Variants in ICE1 observed in about 807,000 individuals in gnomAD.
ICE1 encodes interactor of little elongation complex ELL subunit 1.
In ICE1, 64 loss-of-function variants were observed where a neutral mutation model predicts 192.7. That is an observed-to-expected ratio of 0.33 (90% CI 0.27 to 0.41). ICE1 has a LOEUF of 0.41. Ranked by LOEUF, ICE1 falls within the 10% of genes least tolerant of loss-of-function variation. The pLI is 1.00. For missense variants in ICE1, 2,708 were observed against 2,696.0 expected, an observed-to-expected ratio of 1.00 and a Z score of -0.10; for synonymous variants, 1,010 against 984.5, an observed-to-expected ratio of 1.03 and a Z score of -0.49.
At chr5:5,441,841 G>A (rs1178811250) in intron 5 of ICE1, among the ~76,000 whole-genome samples, 1 of 151,776 alleles carries the variant, frequency 6.6e-6, no homozygotes. Context: ...TTCTTTTTTT[G>A]GCAGTCATGT....
At chr5:5,473,856 T>C in intron 16 of ICE1, 108 bp downstream of exon 16, 2 of 722,702 alleles carry the variant, frequency 2.8e-6, no homozygotes, top group Middle Eastern at 7.8e-4. Flanking sequence ...GTAAGGCAGA[T>C]GAAACATTTA....
At chr5:5,426,731 C>T (rs1001596271) in intron 1 of ICE1, among the ~76,000 whole-genome samples, 3 of 152,070 alleles carry the variant, frequency 2.0e-5, no homozygotes, top group Non-Finnish European at 4.4e-5. Context: ...GAACCAAGAT[C>T]GGAAAGAATG....
chr5:5,461,197 A>G lies in ICE1; in HGVS notation c.1863A>G (p.Val621=), dbSNP rs201982112. The G allele has an allele frequency of 1.4e-4, 221 of 1,614,028 alleles. No homozygotes were observed. The African/African-American group carries it at 2.6e-3, about 19-fold the overall frequency. Residue 621 remains valine, a synonymous_variant, in exon 13 of 19, where the codon GTA becomes GTG. Coordinates refer to ENST00000296564, the MANE Select transcript of ICE1 (RefSeq NM_015325.3). The part of the protein sequence containing the change: ...EDDDSGDGMD[V]AGLDIETSFS... ...ATGACTCAGGTGATGGAATGGATGT[A>G]GCAGGGCTTGACATTGAAACCAGTT...
At position 5,464,100 on chromosome 5, in the gene ICE1, G is replaced by C. The variant is rs1226198792; in HGVS notation, c.4766G>C (p.Gly1589Ala). ...HQSEVAQSFS[G>A]EKANTKTQRS... Reference sequence around the variant, plus strand: ...AGTGAAGTTGCTCAGTCATTTTCAGGGGAAAAAGCTAATACAAAAACTCAA... The same window carrying C: ...AGTGAAGTTGCTCAGTCATTTTCAGCGGAAAAAGCTAATACAAAAACTCAA... The change falls in exon 13 of 19, where the codon GGG (glycine) becomes GCG (alanine). Residue 1589 changes from glycine to alanine, a missense_variant. Gly to Ala is a moderately conservative substitution (Grantham distance 60, BLOSUM62 0). Transcript: ENST00000296564. The surrounding 1 kb of genome is among the most constrained non-coding windows in gnomAD (Gnocchi z 4.0). 6.2e-7 allele frequency: 1 copy of C among 1,613,416 alleles called. No homozygotes were observed. Among genetic ancestry groups the C allele is most frequent in the South Asian group, 1.1e-5 (1 of 91,068 alleles).
chr5:5,441,137 G>T lies in ICE1; in HGVS notation c.223G>T (p.Val75Leu). 1 of 1,557,490 alleles carries T rather than the reference G, an allele frequency of 6.4e-7. No individual in the cohort carries two copies. The highest frequency in any genetic ancestry group is 1.2e-5 in the South Asian group (1 of 84,462). Residue 75 changes from valine (V) to leucine (L), a missense_variant, in exon 5 of 19, where the codon GTG (valine) becomes TTG (leucine). Val to Leu is a conservative substitution (Grantham distance 32). Transcript: ENST00000296564. ...RRENSNLHHQ[V>L]EEMLQKISPL... ...AGAGAATAGTAATCTGCATCACCAA[G>T]TGGAAGAGATGCTTCAAAAAATTTC...
chr5:5,445,341 A>G (rs1201894819), intron 7 of ICE1, among the ~76,000 whole-genome samples: 1 of 152,202 alleles, frequency 6.6e-6, no homozygotes, highest in African/African-American at 2.4e-5. Context: ...TTTGTGTTCT[A>G]AGTATTGGTG....
Position 5,489,106 on chromosome 5 carries a change from A to G in ICE1, c.6620-43A>G, listed in dbSNP as rs376843761. The stretch of plus-strand genomic sequence containing the variant: ...TTACATCACTAAAATTTTGAATAAC[A>G]GATATTTTCTTGTTTTATGACTGAT... On this transcript the variant is annotated intron_variant, in intron 18 of 18. Coordinates refer to ENST00000296564, the MANE Select transcript of ICE1 (RefSeq NM_015325.3). The G allele has an allele frequency of 1.9e-4, 293 of 1,563,114 alleles. 3 individuals carry two copies. The highest frequency in any genetic ancestry group is 4.7e-4 in the Admixed American group (26 of 55,234).
intron 1 of ICE1, among the ~76,000 whole-genome samples, chr5:5,435,509 T>G (rs1418834648): frequency 1.3e-5 from 2 of 152,104 alleles, no homozygotes; most frequent in Admixed American, 6.5e-5. Context: ...TTCTGAAGTA[T>G]TTAGTGATGG....
At chr5:5,460,047 A>G (rs944645701) in intron 12 of ICE1, among the ~76,000 whole-genome samples, 2 of 152,174 alleles carry the variant, frequency 1.3e-5, no homozygotes, top group African/African-American at 2.4e-5. Flanking sequence ...GAGAGAGGAA[A>G]TAGAGGGCCG....
intron 3 of ICE1, among the ~76,000 whole-genome samples, chr5:5,439,337 A>G (rs1475630729): frequency 6.6e-6 from 1 of 152,178 alleles, no homozygotes; most frequent in East Asian, 1.9e-4. Flanking sequence ...CTAGGAGATG[A>G]AACATAAAGG....
intron 17 of ICE1, among the ~76,000 whole-genome samples, chr5:5,477,717 C>T (rs995557814): frequency 2.6e-5 from 4 of 152,190 alleles, no homozygotes; most frequent in Non-Finnish European, 4.4e-5. Flanking sequence ...CAGTGAACAT[C>T]GATGCGAAAA....
intron 1 of ICE1, among the ~76,000 whole-genome samples, chr5:5,434,509 G>T (rs1185369285): frequency 6.6e-6 from 1 of 152,132 alleles, no homozygotes; most frequent in Non-Finnish European, 1.5e-5. Context: ...TGTAAAATGA[G>T]CTGGTCTTAC....
chr5:5,485,002 T>A (rs1739600930), intron 17 of ICE1, among the ~76,000 whole-genome samples: 1 of 152,036 alleles, frequency 6.6e-6, no homozygotes, highest in Non-Finnish European at 1.5e-5. Context: ...ATAGGAGAGC[T>A]CCTGGAGTAA....
chr5:5,441,076 T>A, intron 4 of ICE1, 36 bp from the exon 5 acceptor site: 1 of 1,252,338 alleles, frequency 8.0e-7, no homozygotes, highest in Non-Finnish European at 1.1e-6. Flanking sequence ...TCGTTATAGA[T>A]CCTTTTCTGT....
rs1319744775 is a variant in ICE1 at position 5,489,408 on chromosome 5, A to G, written c.*78A>G. 2 of 1,292,242 alleles carry G rather than the reference A, an allele frequency of 1.5e-6. No homozygotes were observed. Among genetic ancestry groups the G allele is most frequent in the African/African-American group, 3.0e-5 (2 of 66,554 alleles). 80.0% of individuals were successfully genotyped at this position (1,292,242 alleles called of 1,614,324 possible). ...TAGTTTGATCAGCTTTCAGAATACA[A>G]AGGGAGGTTTCAAAACAAAAAGACA... On this transcript the variant is annotated 3_prime_UTR_variant, in exon 19 of 19. Coordinates refer to ENST00000296564, the MANE Select transcript of ICE1 (RefSeq NM_015325.3).
At position 5,461,020 on chromosome 5, in the gene ICE1, G is replaced by C; in HGVS notation, c.1686G>C (p.Glu562Asp). The stretch of plus-strand genomic sequence containing the variant: ...AAATGATGGGATCGCCCAAATCAGA[G>C]TTTACTAAGTGGACACGAATTAATG... ...LSKMMGSPKS[E>D]FTKWTRINEI... Residue 562 changes from glutamate to aspartate, a missense_variant, in exon 13 of 19, where the codon GAG becomes GAC. Physicochemically the swap from Glu to Asp is conservative, Grantham distance 45. Coordinates refer to ENST00000296564, the MANE Select transcript of ICE1 (RefSeq NM_015325.3). The C allele has an allele frequency of 6.2e-7, 1 of 1,614,030 alleles. No individual in the cohort carries two copies.
rs869296400 is a variant in ICE1 at position 5,435,657 on chromosome 5, GTT to G, written c.85-747_85-746del. The stretch of plus-strand genomic sequence containing the variant: ...AGCGGTAATTTAGAGCCAAATTTGT[GTT>G]TTTTTTTTTTTTTGTTTTGTTTTTG... On this transcript the variant is annotated intron_variant, in intron 1 of 18. Coordinates refer to ENST00000296564, the MANE Select transcript of ICE1 (RefSeq NM_015325.3). Among the ~76,000 whole-genome samples, 18 of 114,270 alleles carry G rather than the reference GTT, an allele frequency of 1.6e-4. 1 individual carries two copies. Among genetic ancestry groups the G allele is most frequent in the East Asian group, 1.6e-3 (6 of 3,864 alleles). 75.0% of individuals were successfully genotyped at this position (114,270 alleles called of 152,430 possible).
intron 18 of ICE1, 94 bp from the exon 19 acceptor site, chr5:5,489,055 C>CT (rs1739716636): frequency 7.9e-6 from 8 of 1,013,408 alleles, no homozygotes. Context: ...AGAAAGCATT[C>CT]TGTATTTGAA....
At position 5,463,404 on chromosome 5, in the gene ICE1, A is replaced by T; in HGVS notation, c.4070A>T (p.Asp1357Val). The T allele has an allele frequency of 6.2e-7, 1 of 1,613,708 alleles. No homozygotes were observed. The highest frequency in any genetic ancestry group is 1.3e-5 in the African/African-American group (1 of 75,020). The change falls in exon 13 of 19, where the codon GAT becomes GTT. Residue 1357 changes from aspartate (D) to valine (V), a missense_variant. Physicochemically the swap from Asp to Val is radical, Grantham distance 152 (BLOSUM62 -3). Around this residue, in one of 2 missense-constraint regions of ICE1, gnomAD observed 2,366 missense variants for 2,276.6 expected, o/e 1.04. Transcript: ENST00000296564. ...CGTTCAGATGCAGGCAGGCAAACCG[A>T]TGGTGGGGAAGAAGACCTGCCAGAA... ...EARSDAGRQT[D>V]GGEEDLPEPV...
Sources: allele counts gnomAD v4.1 joint callset (sites outside exome capture counted in the v4.1 genomes callset), GRCh38; gene constraint gnomAD v4.1.1; regional missense constraint gnomAD v4.1.1; non-coding constraint Gnocchi (gnomAD v3.1); transcripts MANE v1.5; gene names NCBI Gene and HGNC (gene_info 2026-07-23, HGNC 2026-07-21).